Variants in GNL3 observed in about 807,000 individuals in gnomAD.
The protein encoded by GNL3 is G protein nucleolar 3, also known as guanine nucleotide-binding protein-like 3.
In GNL3, 77 loss-of-function variants were observed where a neutral mutation model predicts 70.6. That is an observed-to-expected ratio of 1.09 (90% confidence interval 0.91 to 1.32). GNL3 has a LOEUF of 1.32. Among genes scored for constraint, GNL3 ranks in the 40% most tolerant of loss-of-function variants. The pLI is 0.00. For synonymous variants in GNL3, 252 were observed against 216.1 expected (o/e 1.17, Z -1.46); for missense variants, 634 against 644.0 (o/e 0.98, Z 0.17).
Position 52,694,349 on chromosome 3 carries a change from T to C in GNL3, c.*74T>C, listed in dbSNP as rs1173544493. On this transcript the variant is annotated 3_prime_UTR_variant, in exon 15 of 15. Transcript: ENST00000418458. ...GCTAAACTGTTCTCTGTATAAGTTA[T>C]GGTATGCATGAGCTGTGTAAATTTT... 10 of 793,974 alleles carry C rather than the reference T, an allele frequency of 1.3e-5. No individual in the cohort carries two copies. Among genetic ancestry groups the C allele is most frequent in the South Asian group, 4.9e-5 (3 of 61,090 alleles). 49.2% of individuals were successfully genotyped at this position (793,974 alleles called of 1,614,324 possible). A position where few individuals can be genotyped will look rare whatever the true frequency, so the allele number is the denominator to read the frequency against.
intron 4 of GNL3, chr3:52,687,866 G>C: frequency 1.7e-6 from 1 of 589,414 alleles, no homozygotes; most frequent in Non-Finnish European, 3.0e-6. Context: ...ACCCAACTCA[G>C]CCTCCCGAAG....
In GNL3 at chr3:52,693,510, A is replaced by C. The variant is rs2097329415; in HGVS notation, c.1290A>C (p.Glu430Asp). 1 of 1,614,108 alleles carries C rather than the reference A, an allele frequency of 6.2e-7. No individual in the cohort carries two copies. Among genetic ancestry groups the C allele is most frequent in the African/African-American group, 1.3e-5 (1 of 74,938 alleles). ...VVDMKSGFNLEELEKNNAQSI... is the reference protein window; with the variant it reads ...VVDMKSGFNLDELEKNNAQSI... ...ACATGAAAAGCGGCTTCAATCTGGA[A>C]GAACTGGAAAAGAACAATGCACAGA... is the stretch of plus-strand genomic sequence containing the variant. Residue 430 changes from glutamate to aspartate, a missense_variant, in exon 12 of 15, where the codon GAA (glutamate) becomes GAC (aspartate). Coordinates refer to ENST00000418458, the MANE Select transcript of GNL3 (RefSeq NM_014366.5).
chr3:52,688,850 CAG>C (rs908244052), intron 5 of GNL3: 1 of 557,742 alleles, frequency 1.8e-6, no homozygotes, highest in African/African-American at 1.9e-5. Flanking sequence ...CCATCTTGAT[CAG>C]AGACTGCTGA....
rs1282041592 is a variant in GNL3, at chr3:52,686,807, C to T, written c.52C>T (p.Arg18Trp). 4.3e-6 allele frequency: 7 copies of T among 1,611,950 alleles called. No homozygotes were observed. The highest frequency in any genetic ancestry group is 3.4e-6 in the Non-Finnish European group (4 of 1,178,094). ...AAGTAAACGCATGACCTGCCATAAG[C>T]GGTATAAAATCCAAAAAAAGGTAAG... ...KASKRMTCHK[R>W]YKIQKKVREH... The change falls in exon 2 of 15, where the codon CGG becomes TGG. Residue 18 changes from arginine to tryptophan, a missense_variant. Arg to Trp is a moderately radical substitution (Grantham distance 101). Transcript: ENST00000418458.
rs752093790 is a variant in GNL3 at position 52,693,231 on chromosome 3, A to AT, written c.1095dup (p.Thr366TyrfsTer19). On this transcript the variant is annotated frameshift_variant, in exon 11 of 15. Coordinates refer to ENST00000418458, the MANE Select transcript of GNL3 (RefSeq NM_014366.5). LOFTEE classifies it high-confidence loss of function. ...TCCCAGGCTACAGGAATTCTCTGGA[A>AT]TTTTTTACTGTGCTTGCTCAGAGAA... 3.1e-6 allele frequency: 5 copies of AT among 1,613,778 alleles called. No homozygotes were observed. The highest frequency in any genetic ancestry group is 4.5e-5 in the East Asian group (2 of 44,878).
chr3:52,693,099 G>A (rs2097328958), intron 10 of GNL3, 53 bp downstream of exon 10: 2 of 1,602,590 alleles, frequency 1.2e-6, no homozygotes, highest in Admixed American at 1.7e-5. Context: ...TTCATCATAA[G>A]CATTTTGAGT....
chr3:52,693,147 C>T (rs2097328999), intron 10 of GNL3, 40 bp from the exon 11 acceptor site: 2 of 1,594,502 alleles, frequency 1.3e-6, no homozygotes, highest in Admixed American at 1.8e-5. Flanking sequence ...ACTGGCATGT[C>T]AGATGAAGGA....
intron 6 of GNL3, 84 bp downstream of exon 6, chr3:52,689,290 G>GAGTTGGATCTA: frequency 1.6e-6 from 2 of 1,256,932 alleles, no homozygotes; most frequent in Non-Finnish European, 2.3e-6. Flanking sequence ...AGACTGATTA[G>GAGTTGGATCTA]ATCCAACTCT....
chr3:52,692,933 G>T lies in GNL3; in HGVS notation c.931G>T (p.Val311Leu), dbSNP rs746795082. Residue 311 changes from valine to leucine, a missense_variant, in exon 10 of 15, where the codon GTA becomes TTA. Transcript: ENST00000418458. ...ITIIDSPSFI[V>L]SPLNSSSALA... ...AATCATAGATAGTCCGAGCTTCATC[G>T]TATCTCCACTTAATTCCTCCTCTGC... 3 of 1,613,302 alleles carry T rather than the reference G, an allele frequency of 1.9e-6. No individual in the cohort carries two copies. Among genetic ancestry groups the T allele is most frequent in the South Asian group, 2.2e-5 (2 of 91,056 alleles).
In GNL3 at chr3:52,693,651, G is replaced by A. The variant is rs1284522521; in HGVS notation, c.1344G>A (p.Leu448=). The A allele has an allele frequency of 6.2e-7, 1 of 1,614,024 alleles. No homozygotes were observed. The highest frequency in any genetic ancestry group is 8.5e-7 in the Non-Finnish European group (1 of 1,179,992). ...TCCCAGCCATCAAGGGCCCTCATTT[G>A]GCCAATAGCATCCTTTTCCAGTCTT... ...QSIRAIKGPH[L]ANSILFQSSG... Residue 448 remains leucine (L), a synonymous_variant, in exon 13 of 15, where the codon TTG becomes TTA. Transcript: ENST00000418458.
chr3:52,690,777 T>C, intron 7 of GNL3, 73 bp downstream of exon 7: 1 of 1,143,844 alleles, frequency 8.7e-7, no homozygotes, highest in South Asian at 1.3e-5. Flanking sequence ...TACAAAATCT[T>C]GATTTAAGTG....
In GNL3 at chr3:52,693,658, A is replaced by G; in HGVS notation, c.1351A>G (p.Ser451Gly). 6.2e-7 allele frequency: 1 copy of G among 1,614,182 alleles called. No individual in the cohort carries two copies. The highest frequency in any genetic ancestry group is 8.5e-7 in the Non-Finnish European group (1 of 1,180,020). The change falls in exon 13 of 15, where the codon AGC becomes GGC. Residue 451 changes from serine to glycine, a missense_variant. Coordinates refer to ENST00000418458, the MANE Select transcript of GNL3 (RefSeq NM_014366.5). ...RAIKGPHLAN[S>G]ILFQSSGLTN... ...CATCAAGGGCCCTCATTTGGCCAAT[A>G]GCATCCTTTTCCAGTCTTCCGGTCT...
In GNL3 at chr3:52,693,049, A is replaced by G. The variant is rs2097328907; in HGVS notation, c.1044+3A>G. ...TTTCCCAGGCTGATGCTCGACAGGT[A>G]AAAGGACCCCTTCTCATGAGCTCCT... On this transcript the variant is annotated splice_donor_region_variant and intron_variant, in intron 10 of 14. Coordinates refer to ENST00000418458, the MANE Select transcript of GNL3 (RefSeq NM_014366.5). 6.2e-7 allele frequency: 1 copy of G among 1,613,718 alleles called. No individual in the cohort carries two copies. Among genetic ancestry groups the G allele is most frequent in the Middle Eastern group, 1.7e-4 (1 of 6,060 alleles).
rs750503083 is a variant in GNL3 at position 52,693,173 on chromosome 3, G to GT, written c.1045-4dup. ...AGATGAAGGACAGCTCCTTTGTTTG[G>GT]TTTTTTTTTTAAGGTAGTACTGAAA... On this transcript the variant is annotated splice_polypyrimidine_tract_variant and intron_variant, in intron 10 of 14. Transcript: ENST00000418458. The GT allele has an allele frequency of 0.014, 16,213 of 1,157,708 alleles. No homozygotes were observed. Among genetic ancestry groups the GT allele is most frequent in the Non-Finnish European group, 0.015 (13,132 of 847,754 alleles). The allele number at this position is 1,157,708 out of a possible 1,614,324, so 71.7% of individuals were successfully genotyped here. A position where few individuals can be genotyped will look rare whatever the true frequency, so the allele number is the denominator to read the frequency against.
At chr3:52,686,282 A>C (rs769210413) in intron 1 of GNL3, 177 bp downstream of exon 1, 12 of 660,342 alleles carry the variant, frequency 1.8e-5, no homozygotes, top group Non-Finnish European at 2.6e-5. Context: ...TACGGCGATC[A>C]TGTTAACCGC....
intron 9 of GNL3, among the ~76,000 whole-genome samples, chr3:52,692,138 G>A (rs1310175500): frequency 6.6e-6 from 1 of 152,202 alleles, no homozygotes; most frequent in Admixed American, 6.5e-5. Context: ...AGCTCCCTCA[G>A]AGGAAGTGAT....
chr3:52,693,730 A>G lies in GNL3; in HGVS notation c.1423A>G (p.Lys475Glu). 6.2e-7 allele frequency: 1 copy of G among 1,613,910 alleles called. No homozygotes were observed. Among genetic ancestry groups the G allele is most frequent in the South Asian group, 1.1e-5 (1 of 91,088 alleles). The change falls in exon 13 of 15, where the codon AAA becomes GAA. Residue 475 changes from lysine (K) to glutamate (E), a missense_variant. Transcript: ENST00000418458. ...EEKDIHEELPKRKERKQEERE... is the reference protein window; with the variant it reads ...EEKDIHEELPERKERKQEERE... ...AAAGGACATACATGAAGAATTGCCA[A>G]AACGGAAAGAAAGGAAGCAGGAGGA...
At position 52,688,093 on chromosome 3, in the gene GNL3, C is replaced by T. The variant is rs150255352; in HGVS notation, c.325-16C>T. On this transcript the variant is annotated splice_polypyrimidine_tract_variant and intron_variant, in intron 4 of 14. Transcript: ENST00000418458. ...TCTACTTCTAATTTTGTGTTATTTC[C>T]CCCTTTATCCTCTAGGAGTTTGGGC... The T allele has an allele frequency of 2.0e-6, 3 of 1,486,696 alleles. No homozygotes were observed. The highest frequency in any genetic ancestry group is 1.7e-5 in the Admixed American group (1 of 59,578). The allele number at this position is 1,486,696 out of a possible 1,614,324, so 92.1% of individuals were successfully genotyped here.
At chr3:52,693,855 T>C (rs370662252) in intron 13 of GNL3, 48 bp downstream of exon 13, 4 of 1,488,532 alleles carry the variant, frequency 2.7e-6, no homozygotes, top group East Asian at 4.6e-5. Context: ...TTTCTAGCAT[T>C]ATAATACATA....
Sources: gnomAD v4.1 joint callset for allele counts (sites outside exome capture counted in the v4.1 genomes callset) on GRCh38, gnomAD v4.1.1 for gene constraint, MANE v1.5 for transcripts, NCBI Gene and HGNC (gene_info 2026-07-23, HGNC 2026-07-21) for gene names.